Variants in TEX11 observed in about 807,000 individuals in gnomAD.
TEX11 encodes the protein testis-expressed protein 11.
A neutral mutation model predicts 84.4 loss-of-function variants in TEX11; 7 were observed. The ratio of observed to expected loss-of-function variants is 0.08; its 90% CI spans 0.05 to 0.16. The LOEUF (loss-of-function observed/expected upper bound fraction) is 0.16. TEX11 is among the 10% of genes least tolerant of loss of function. The pLI is 1.00. For synonymous variants in TEX11, 264 were observed against 222.8 expected, an observed-to-expected ratio of 1.18 and a Z score of -1.64; for missense variants, 551 against 660.5, an observed-to-expected ratio of 0.83 and a Z score of 1.82.
chrX:70,572,516 A>G (rs1412252544), intron 25 of TEX11, among the ~76,000 whole-genome samples: 2 of 110,982 alleles, frequency 1.8e-5, no homozygotes, highest in Non-Finnish European at 3.8e-5. Context: ...TACCCAAAAG[A>G]TTTTAAATCA....
At chrX:70,644,520 C>T (rs2089713605) in intron 17 of TEX11, among the ~76,000 whole-genome samples, 1 of 108,649 alleles carries the variant, frequency 9.2e-6, no homozygotes, top group Non-Finnish European at 1.9e-5. Context: ...TTGGAACCAA[C>T]CCAAATGTCC....
chrX:70,663,784 T>A (rs777315474), intron 16 of TEX11, among the ~76,000 whole-genome samples: 7 of 111,901 alleles, frequency 6.3e-5, no homozygotes, highest in Non-Finnish European at 1.3e-4. Flanking sequence ...CATACTATCA[T>A]AAGATTGATA....
intron 13 of TEX11, among the ~76,000 whole-genome samples, chrX:70,705,854 C>T (rs1355360998): frequency 9.0e-6 from 1 of 111,651 alleles, no homozygotes; most frequent in Non-Finnish European, 1.9e-5. Flanking sequence ...TTTTACACTG[C>T]TGGTGGGACT....
chrX:70,744,547 C>T (rs764073743), intron 9 of TEX11, among the ~76,000 whole-genome samples: 1 of 108,812 alleles, frequency 9.2e-6, no homozygotes, highest in African/African-American at 3.3e-5. Flanking sequence ...ATTTAATATA[C>T]TGCCTTAAAT....
At chrX:70,525,097 C>T (rs2087810685), downstream of TEX11, among the ~76,000 whole-genome samples, 1 of 111,069 alleles carries the variant, frequency 9.0e-6, no homozygotes, top group Non-Finnish European at 1.9e-5. Context: ...AGGAGGATCG[C>T]TTGAGCCTGG....
At chrX:70,576,207 A>C (rs1695761735) in intron 25 of TEX11, among the ~76,000 whole-genome samples, 1 of 112,038 alleles carries the variant, frequency 8.9e-6, no homozygotes, top group Admixed American at 9.5e-5. Flanking sequence ...GCTCTTAATT[A>C]ACTCTGATTT....
At chrX:70,695,049 A>C (rs2147674159) in intron 13 of TEX11, among the ~76,000 whole-genome samples, 1 of 112,150 alleles carries the variant, frequency 8.9e-6, no homozygotes, top group East Asian at 2.8e-4. Context: ...AAATTTAAAC[A>C]TGAATTTTGC....
At chrX:70,811,777 T>C (rs1354185165) in intron 8 of TEX11, among the ~76,000 whole-genome samples, 1 of 111,393 alleles carries the variant, frequency 9.0e-6, no homozygotes, top group Admixed American at 9.5e-5. Context: ...TGATGGCCAG[T>C]GATGATGAGC....
At chrX:70,660,899 C>T (rs1201572978) in intron 16 of TEX11, among the ~76,000 whole-genome samples, 1 of 111,407 alleles carries the variant, frequency 9.0e-6, no homozygotes, top group Non-Finnish European at 1.9e-5. Flanking sequence ...AGGGATGGAA[C>T]CAAGATGGCC....
intron 11 of TEX11, among the ~76,000 whole-genome samples, chrX:70,732,342 G>A (rs765598153): frequency 2.7e-5 from 3 of 111,101 alleles, no homozygotes; most frequent in African/African-American, 9.8e-5. Flanking sequence ...ATTCAATTAG[G>A]AAAAGAGGAA....
chrX:70,566,431 C>T, intron 25 of TEX11, among the ~76,000 whole-genome samples: 1 of 109,199 alleles, frequency 9.2e-6, no homozygotes. Context: ...GCCAGAACTT[C>T]CAACACTATG....
chrX:70,671,898 T>G lies in TEX11; in HGVS notation c.1243-1384A>C, dbSNP rs868366580. Among the ~76,000 whole-genome samples the G allele has an allele frequency of 9.4e-5, 4 of 42,641 alleles. No homozygotes were observed. In the Admixed American group the frequency reaches 1.3e-3, roughly 14 times the overall value. The allele number at this position is 42,641 out of a possible 115,157, so 37.0% of individuals were successfully genotyped here. A position where few individuals can be genotyped will look rare whatever the true frequency, so the allele number is the denominator to read the frequency against. ...TTGTTTTGATATATATATATATATA[T>G]ATATATATATATACACACACACATA... On this transcript the variant is annotated intron_variant, in intron 15 of 29. Coordinates refer to ENST00000374333, the MANE Select transcript of TEX11 (RefSeq NM_031276.3).
chrX:70,783,334 T>G (rs7884045), intron 9 of TEX11, among the ~76,000 whole-genome samples: 7,941 of 110,502 alleles, frequency 0.072, 235 homozygotes, highest in East Asian at 0.13. Context: ...TAAAGCAGTG[T>G]GTAGAGGGAA....
At chrX:70,692,760 T>G (rs962770709) in intron 13 of TEX11, among the ~76,000 whole-genome samples, 1 of 111,029 alleles carries the variant, frequency 9.0e-6, no homozygotes. Context: ...TTAGTGAATA[T>G]GAATAATGCT....
At chrX:70,609,286 C>A in intron 21 of TEX11, 109 bp from the exon 22 acceptor site, 1 of 663,331 alleles carries the variant, frequency 1.5e-6, no homozygotes, top group South Asian at 3.6e-5. Context: ...TTAGAAAGTT[C>A]TTTTTTGTGT....
At chrX:70,698,287 C>A (rs1399632804) in intron 13 of TEX11, among the ~76,000 whole-genome samples, 1 of 110,904 alleles carries the variant, frequency 9.0e-6, no homozygotes, top group Non-Finnish European at 1.9e-5. Flanking sequence ...TCTATCTAAC[C>A]TTCAGTTTAA....
intron 18 of TEX11, among the ~76,000 whole-genome samples, chrX:70,628,509 C>T (rs1371446270): frequency 8.9e-6 from 1 of 111,941 alleles, no homozygotes; most frequent in African/African-American, 3.3e-5. Flanking sequence ...TAATTTTTAA[C>T]ATATATATTA....
intron 7 of TEX11, among the ~76,000 whole-genome samples, chrX:70,851,309 T>G (rs2091507022): frequency 8.9e-6 from 1 of 112,216 alleles, no homozygotes; most frequent in South Asian, 3.7e-4. Context: ...GATAAATTGA[T>G]TTTTGACAAA....
chrX:70,697,952 A>T (rs1198376033), intron 13 of TEX11, among the ~76,000 whole-genome samples: 1 of 112,107 alleles, frequency 8.9e-6, no homozygotes, highest in African/African-American at 3.2e-5. Context: ...CTGGATGAAT[A>T]GTTAATTTTT....
Sources: allele counts gnomAD v4.1 joint callset (sites outside exome capture counted in the v4.1 genomes callset), GRCh38; gene constraint gnomAD v4.1.1; transcripts MANE v1.5; gene names NCBI Gene and HGNC (gene_info 2026-07-23, HGNC 2026-07-21).